LEKR1: variants seen among roughly 807,000 people sequenced by gnomAD.
LEKR1 encodes the protein leucine, glutamate and lysine rich 1, also known as protein LEKR1.
LEKR1 carries 59 observed loss-of-function variants against 72.4 expected under a neutral mutation model. The observed-to-expected ratio is 0.82, with a 90% confidence interval of 0.66 to 1.01. The LOEUF (loss-of-function observed/expected upper bound fraction) is 1.01. LEKR1 is among the 50% of genes least tolerant of loss of function. LEKR1 has a pLI of 0.00. For synonymous variants in LEKR1, 257 were observed against 263.2 expected (o/e 0.98, Z 0.23); for missense variants, 728 against 759.2 (o/e 0.96, Z 0.48).
intron 6 of LEKR1, among the ~76,000 whole-genome samples, chr3:156,964,380 G>A (rs958965855): frequency 2.0e-5 from 3 of 151,766 alleles, no homozygotes; most frequent in African/African-American, 4.8e-5. Flanking sequence ...TTAGATAGTT[G>A]TTCTCACTCT....
chr3:157,028,016 A>G, intron 11 of LEKR1, 87 bp from the exon 12 acceptor site: 1 of 879,688 alleles, frequency 1.1e-6, no homozygotes, highest in Non-Finnish European at 1.8e-6. Context: ...ACACTGATTA[A>G]TGAAAATAAA....
intron 6 of LEKR1, among the ~76,000 whole-genome samples, chr3:156,971,399 C>G (rs1329174915): frequency 6.6e-6 from 1 of 152,140 alleles, no homozygotes; most frequent in Non-Finnish European, 1.5e-5. Context: ...AGAAGAAAAC[C>G]TAGGCAATAC....
At chr3:157,032,024 G>C (rs748670207) in intron 12 of LEKR1, among the ~76,000 whole-genome samples, 1 of 151,900 alleles carries the variant, frequency 6.6e-6, no homozygotes, top group African/African-American at 2.4e-5. Flanking sequence ...TGTGAACAAG[G>C]AGTCCCTGAG....
chr3:156,999,538 A>G (rs1731852310), intron 9 of LEKR1, among the ~76,000 whole-genome samples: 1 of 152,066 alleles, frequency 6.6e-6, no homozygotes. Flanking sequence ...CCCTGTGCAC[A>G]ATGCCATGTA....
chr3:157,013,115 G>C lies in LEKR1; in HGVS notation c.1203+1609G>C, dbSNP rs536439808. ...AGCAATTTGTCAATATGTACCAAGA[G>C]ATATTATAAACTTCCCATCCTTTGA... On this transcript the variant is annotated intron_variant, in intron 10 of 12. Transcript: ENST00000356539. Among the ~76,000 whole-genome samples, 4 of 152,168 alleles carry C rather than the reference G, an allele frequency of 2.6e-5. No individual in the cohort carries two copies. In the East Asian group the frequency reaches 7.7e-4, roughly 29 times the overall value.
chr3:156,855,290 T>A (rs1246553769), intron 3 of LEKR1, among the ~76,000 whole-genome samples: 2 of 152,218 alleles, frequency 1.3e-5, no homozygotes, highest in Non-Finnish European at 2.9e-5. Context: ...GTGACCACTT[T>A]CCTACATTTT....
At chr3:156,880,993 C>G (rs1042979773) in intron 3 of LEKR1, among the ~76,000 whole-genome samples, 1 of 152,138 alleles carries the variant, frequency 6.6e-6, no homozygotes, top group East Asian at 1.9e-4. Context: ...ATTGATGGGA[C>G]GTATCTCAAA....
At chr3:156,957,041 G>A (rs1465412858) in intron 6 of LEKR1, among the ~76,000 whole-genome samples, 1 of 151,930 alleles carries the variant, frequency 6.6e-6, no homozygotes, top group East Asian at 1.9e-4. Flanking sequence ...CCACAGAAAT[G>A]TTTGTGATTA....
intron 10 of LEKR1, among the ~76,000 whole-genome samples, chr3:157,023,114 C>CTT: frequency 6.6e-6 from 1 of 151,944 alleles, no homozygotes; most frequent in East Asian, 1.9e-4. Context: ...TTTAGGTTGA[C>CTT]CTCTTTCCCT....
At chr3:157,015,281 T>C (rs1733219252) in intron 10 of LEKR1, among the ~76,000 whole-genome samples, 1 of 152,142 alleles carries the variant, frequency 6.6e-6, no homozygotes, top group Non-Finnish European at 1.5e-5. Flanking sequence ...ACACTGGCGA[T>C]CTACAAAAAG....
At chr3:156,969,843 C>A (rs879685452) in intron 6 of LEKR1, among the ~76,000 whole-genome samples, 2 of 152,192 alleles carry the variant, frequency 1.3e-5, no homozygotes, top group Non-Finnish European at 2.9e-5. Context: ...CGACCAATAT[C>A]CCTGATGAAC....
At chr3:156,843,008 C>G (rs1714129613) in intron 2 of LEKR1, among the ~76,000 whole-genome samples, 1 of 152,190 alleles carries the variant, frequency 6.6e-6, no homozygotes, top group South Asian at 2.1e-4. Context: ...GATCATATCT[C>G]TAAATCTGTT....
chr3:156,907,612 T>C (rs903673480), intron 3 of LEKR1, among the ~76,000 whole-genome samples: 3 of 152,106 alleles, frequency 2.0e-5, no homozygotes, highest in Non-Finnish European at 2.9e-5. Context: ...TTGACACTTA[T>C]AGATTACTCA....
At chr3:156,875,895 T>C (rs998570582) in intron 3 of LEKR1, among the ~76,000 whole-genome samples, 3 of 145,918 alleles carry the variant, frequency 2.1e-5, no homozygotes, top group Non-Finnish European at 4.4e-5. Flanking sequence ...CTCGGGAGGC[T>C]GAGGCAGGAG....
At chr3:156,902,241 T>G (rs556010176) in intron 3 of LEKR1, among the ~76,000 whole-genome samples, 3 of 152,292 alleles carry the variant, frequency 2.0e-5, no homozygotes, top group Admixed American at 2.0e-4. Flanking sequence ...ACTGTGCACA[T>G]TATGGAATAC....
At position 156,971,709 on chromosome 3, in the gene LEKR1, A is replaced by G. The variant is rs572992924; in HGVS notation, c.746-7485A>G. 7.9e-5 allele frequency among the ~76,000 whole-genome samples: 12 copies of G among 152,340 alleles called. No homozygotes were observed. The South Asian group carries it at 2.5e-3, about 32-fold the overall frequency. On this transcript the variant is annotated intron_variant, in intron 6 of 12. Transcript: ENST00000356539. Reference sequence around the variant, plus strand: ...ATGAACAGACACTTCTCAAAAGAAGACATTTATGCAGCCAAAAGACACGTG... The same window carrying G: ...ATGAACAGACACTTCTCAAAAGAAGGCATTTATGCAGCCAAAAGACACGTG...
chr3:156,967,412 G>T (rs577657000), intron 6 of LEKR1, among the ~76,000 whole-genome samples: 2 of 152,246 alleles, frequency 1.3e-5, no homozygotes, highest in Admixed American at 1.3e-4. Context: ...AGAATAACCA[G>T]TGCAGAGAAG....
At chr3:156,937,732 C>G (rs1370014445) in intron 5 of LEKR1, among the ~76,000 whole-genome samples, 3 of 152,178 alleles carry the variant, frequency 2.0e-5, no homozygotes, top group Admixed American at 2.0e-4. Context: ...TTCATAGCGG[C>G]TGTAGTCATA....
intron 9 of LEKR1, among the ~76,000 whole-genome samples, chr3:157,008,834 T>C (rs1408756486): frequency 6.6e-6 from 1 of 152,190 alleles, no homozygotes; most frequent in Non-Finnish European, 1.5e-5. Flanking sequence ...TTCCTGAGAT[T>C]TGTTTATAAA....
Sources: allele counts gnomAD v4.1 joint callset (sites outside exome capture counted in the v4.1 genomes callset), GRCh38; gene constraint gnomAD v4.1.1; transcripts MANE v1.5; gene names NCBI Gene and HGNC (gene_info 2026-07-23, HGNC 2026-07-21).